Variants in RPGR observed in about 807,000 individuals in gnomAD.
RPGR encodes the protein X-linked retinitis pigmentosa GTPase regulator.
A neutral mutation model predicts 56.3 loss-of-function variants in RPGR; 10 were observed. The observed-to-expected ratio is 0.18, with a 90% CI of 0.11 to 0.30. The LOEUF (loss-of-function observed/expected upper bound fraction) is 0.30. Among genes scored for constraint, RPGR ranks in the 10% least tolerant of loss-of-function variants. RPGR has a pLI of 1.00. For synonymous variants in RPGR, 197 were observed against 212.9 expected (o/e 0.93, Z 0.65); for missense variants, 538 against 590.9 (o/e 0.91, Z 0.93).
At chrX:38,310,957 A>G (rs1412211559) in intron 6 of RPGR, among the ~76,000 whole-genome samples, 184 bp from the exon 7 acceptor site, 1 of 112,399 alleles carries the variant, frequency 8.9e-6, no homozygotes, top group African/African-American at 3.2e-5. Flanking sequence ...TAATCCAATC[A>G]TTTTCATGAA....
At chrX:38,316,360 C>T (rs1046204046) in intron 6 of RPGR, among the ~76,000 whole-genome samples, 2 of 111,511 alleles carry the variant, frequency 1.8e-5, no homozygotes, top group Non-Finnish European at 3.8e-5. Context: ...ATGAACTATT[C>T]CACTTGTTCA....
chrX:38,289,401 T>A (rs1174318081), intron 13 of RPGR, among the ~76,000 whole-genome samples: 1 of 112,062 alleles, frequency 8.9e-6, no homozygotes, highest in Admixed American at 9.4e-5. Context: ...AATCAAACAC[T>A]GACATTTGAA....
At chrX:38,291,312 A>T (rs2067275568) in intron 12 of RPGR, 81 bp downstream of exon 12, 1 of 593,359 alleles carries the variant, frequency 1.7e-6, no homozygotes, top group African/African-American at 2.2e-5. Context: ...ATATAAGAGT[A>T]TAGGAAGTAT....
At position 38,269,491 on chromosome X, in the gene RPGR, T is replaced by TA. The variant is rs1404839593; in HGVS notation, c.*134dup. 4 of 471,938 alleles carry TA rather than the reference T, an allele frequency of 8.5e-6. No individual in the cohort carries two copies. Among genetic ancestry groups the TA allele is most frequent in the Non-Finnish European group, 1.4e-5 (4 of 280,557 alleles). The allele number at this position is 471,938 out of a possible 1,213,427, so 38.9% of individuals were successfully genotyped here. On this transcript the variant is annotated 3_prime_UTR_variant, in exon 19 of 19. Transcript: ENST00000642395. ...AATAAATATCAAAACTGGTCACACT[T>TA]ATAGAAGCTGAATAAAACATATTAA...
intron 17 of RPGR, among the ~76,000 whole-genome samples, chrX:38,274,825 T>C (rs1021167319): frequency 4.5e-5 from 5 of 111,169 alleles, no homozygotes; most frequent in African/African-American, 6.5e-5. Context: ...CAAAAAAAAA[T>C]AAAAAATTCC....
intron 6 of RPGR, among the ~76,000 whole-genome samples, chrX:38,312,864 G>T (rs1326077386): frequency 9.0e-6 from 1 of 110,528 alleles, no homozygotes; most frequent in Non-Finnish European, 1.9e-5. Flanking sequence ...GATCACTTGA[G>T]CCCAGAAGGT....
intron 3 of RPGR, 102 bp from the exon 4 acceptor site, chrX:38,321,191 G>T: frequency 1.6e-6 from 1 of 629,333 alleles, no homozygotes; most frequent in Non-Finnish European, 2.6e-6. Flanking sequence ...TTAATAGCGG[G>T]CTTGTCTGAT....
intron 15 of RPGR, chrX:38,286,654 C>T: frequency 8.8e-7 from 1 of 1,137,377 alleles, no homozygotes; most frequent in Non-Finnish European, 1.2e-6. Context: ...CTCCTCCTTC[C>T]CCGCTCTTTC....
intron 10 of RPGR, among the ~76,000 whole-genome samples, chrX:38,297,955 C>T (rs1402704887): frequency 9.0e-6 from 1 of 111,610 alleles, no homozygotes; most frequent in African/African-American, 3.3e-5. Context: ...AATTATTTGC[C>T]ATTTACTTTA....
At chrX:38,305,524 T>A (rs768916149) in intron 7 of RPGR, among the ~76,000 whole-genome samples, 1 of 110,773 alleles carries the variant, frequency 9.0e-6, no homozygotes, top group South Asian at 3.8e-4. Context: ...AGTTTATGCA[T>A]CACCTAAGGT....
rs749648072 is a variant in RPGR at position 38,285,602 on chromosome X, C to T, written c.1905+1492G>A. The T allele has an allele frequency of 2.0e-5, 24 of 1,211,359 alleles. No individual in the cohort carries two copies. The highest frequency in any genetic ancestry group is 5.3e-5 in the South Asian group (3 of 56,988). ...CAGAACTTTTTGGAACCTGATGGCC[C>T]GTTTTTTAAAAGTCGTTTTGACTGG... On this transcript the variant is annotated intron_variant, in intron 15 of 18. Coordinates refer to ENST00000642395, the MANE Select transcript of RPGR (RefSeq NM_000328.3).
intron 10 of RPGR, among the ~76,000 whole-genome samples, chrX:38,297,884 C>A (rs185758638): frequency 1.3e-4 from 14 of 111,748 alleles, no homozygotes; most frequent in African/African-American, 4.2e-4. Context: ...TGCTATGAAC[C>A]TTCAAAAAAA....
At chrX:38,299,194 G>T in intron 9 of RPGR, 53 bp from the exon 10 acceptor site, 1 of 1,143,416 alleles carries the variant, frequency 8.7e-7, no homozygotes, top group East Asian at 3.1e-5. Flanking sequence ...AAACACAAAT[G>T]AGTTTTTAAC....
chrX:38,290,948 T>A lies in RPGR; in HGVS notation c.1572+11A>T. 1.0e-6 allele frequency: 1 copy of A among 956,285 alleles called. No homozygotes were observed. The highest frequency in any genetic ancestry group is 1.5e-6 in the Non-Finnish European group (1 of 684,982). The allele number at this position is 956,285 out of a possible 1,213,427, so 78.8% of individuals were successfully genotyped here. On this transcript the variant is annotated intron_variant, in intron 13 of 18. Coordinates refer to ENST00000642395, the MANE Select transcript of RPGR (RefSeq NM_000328.3). ...CACCAACAATAACGAAAATAAATCT[T>A]CATATTATACCTTTTGTTTCTGAAC...
intron 13 of RPGR, among the ~76,000 whole-genome samples, chrX:38,288,954 T>C (rs1036087711): frequency 1.0e-4 from 11 of 109,370 alleles, no homozygotes; most frequent in Non-Finnish European, 1.9e-5. Context: ...GCTAACTTTT[T>C]TATTTTTAGT....
chrX:38,275,457 A>G (rs942218931), intron 16 of RPGR, among the ~76,000 whole-genome samples: 1 of 112,303 alleles, frequency 8.9e-6, no homozygotes, highest in Non-Finnish European at 1.9e-5. Flanking sequence ...ATTGGTATTT[A>G]ATGATTTCTA....
chrX:38,325,000 T>C (rs1408037088), intron 1 of RPGR, among the ~76,000 whole-genome samples: 1 of 106,091 alleles, frequency 9.4e-6, no homozygotes, highest in East Asian at 3.0e-4. Flanking sequence ...TGAAACCCCG[T>C]GTCGACTAAA....
chrX:38,291,123 ATTTTTT>A, intron 12 of RPGR, 99 bp from the exon 13 acceptor site: 1 of 175,183 alleles, frequency 5.7e-6, no homozygotes. Context: ...AATTATATAT[ATTTTTT>A]TATATATATA....
At chrX:38,302,102 C>T (rs1052002227) in intron 8 of RPGR, among the ~76,000 whole-genome samples, 3 of 111,576 alleles carry the variant, frequency 2.7e-5, no homozygotes, top group Non-Finnish European at 3.8e-5. Flanking sequence ...GAAACTGGGC[C>T]CACAATGATG....
Sources: gnomAD v4.1 joint callset for allele counts (sites outside exome capture counted in the v4.1 genomes callset) on GRCh38, gnomAD v4.1.1 for gene constraint, MANE v1.5 for transcripts, NCBI Gene and HGNC (gene_info 2026-07-23, HGNC 2026-07-21) for gene names.